GRIK1: variants seen among roughly 807,000 people sequenced by gnomAD.
The protein encoded by GRIK1 is glutamate ionotropic receptor kainate type subunit 1, also known as glutamate receptor ionotropic, kainate 1.
A neutral mutation model predicts 105.7 loss-of-function variants in GRIK1; 69 were observed. The observed-to-expected ratio is 0.65, with a 90% CI of 0.54 to 0.80. GRIK1 has a LOEUF of 0.80. GRIK1 is among the 30% of genes least tolerant of loss of function. The probability of loss-of-function intolerance (pLI) is 0.00; values close to 1 mark genes in which losing one functional copy is unlikely to be tolerated. For missense variants in GRIK1, 1,109 were observed against 1,167.3 expected (o/e 0.95, Z 0.73); for synonymous variants, 438 against 431.3 (o/e 1.02, Z -0.19).
intron 5 of GRIK1, 102 bp from the exon 6 acceptor site, chr21:29,651,393 C>A: frequency 1.4e-6 from 1 of 732,388 alleles, no homozygotes; most frequent in Non-Finnish European, 2.1e-6. Flanking sequence ...ACAATGATAC[C>A]TTTTATCTGT....
At chr21:29,933,194 T>C (rs950551516) in intron 1 of GRIK1, among the ~76,000 whole-genome samples, 1 of 152,278 alleles carries the variant, frequency 6.6e-6, no homozygotes, top group Admixed American at 6.5e-5. Context: ...GGTTTTTACA[T>C]AGGTAACCGT....
At chr21:29,625,666 T>C (rs1048245503) in intron 7 of GRIK1, among the ~76,000 whole-genome samples, 3 of 152,206 alleles carry the variant, frequency 2.0e-5, no homozygotes, top group African/African-American at 7.2e-5. Context: ...TATGCAAATA[T>C]GTAATGCACA....
At chr21:29,709,373 C>T (rs959285986) in intron 1 of GRIK1, among the ~76,000 whole-genome samples, 3 of 151,094 alleles carry the variant, frequency 2.0e-5, no homozygotes, top group South Asian at 2.1e-4. Context: ...CTCCGTCTCC[C>T]GGGCTCAAGC....
chr21:29,538,579 T>TA (rs58400171), intron 16 of GRIK1, among the ~76,000 whole-genome samples: 26,774 of 149,824 alleles, frequency 0.18, 3,913 homozygotes, highest in African/African-American at 0.4. Context: ...TTTATCACAA[T>TA]AAAAAAAAAA....
At chr21:29,830,153 G>A (rs2067585064) in intron 1 of GRIK1, among the ~76,000 whole-genome samples, 2 of 152,182 alleles carry the variant, frequency 1.3e-5, no homozygotes, top group South Asian at 4.2e-4. Context: ...TTCCAACCAT[G>A]GAAATGTATG....
intron 1 of GRIK1, among the ~76,000 whole-genome samples, chr21:29,869,886 C>T (rs181945830): frequency 5.3e-4 from 81 of 152,274 alleles, no homozygotes; most frequent in Admixed American, 9.8e-4. Context: ...CCCCCCATAA[C>T]TGAGTATAAT....
chr21:29,653,674 G>A (rs1057463604), intron 5 of GRIK1, among the ~76,000 whole-genome samples: 3 of 152,194 alleles, frequency 2.0e-5, no homozygotes, highest in African/African-American at 4.8e-5. Flanking sequence ...CAGTTCTCAA[G>A]TTTTCCCTCA....
intron 1 of GRIK1, among the ~76,000 whole-genome samples, chr21:29,926,105 TA>T (rs10587669): frequency 0.18 from 27,020 of 148,020 alleles, 2,687 homozygotes; most frequent in South Asian, 0.27. Flanking sequence ...CATAAAAAGC[TA>T]AAAAAAAAAA....
chr21:29,606,719 C>T (rs1269599886), intron 7 of GRIK1, among the ~76,000 whole-genome samples: 1 of 152,002 alleles, frequency 6.6e-6, no homozygotes, highest in Non-Finnish European at 1.5e-5. Context: ...AAACCCAAAA[C>T]ACAACACTCC....
chr21:29,799,496 T>G (rs1176356256), intron 1 of GRIK1, among the ~76,000 whole-genome samples: 1 of 151,486 alleles, frequency 6.6e-6, no homozygotes, highest in African/African-American at 2.4e-5. Context: ...GCCCAGGTGT[T>G]TTTGTTTGTT....
At chr21:29,573,186 TG>T (rs1777629498) in intron 14 of GRIK1, among the ~76,000 whole-genome samples, 1 of 152,176 alleles carries the variant, frequency 6.6e-6, no homozygotes, top group South Asian at 2.1e-4. Flanking sequence ...TCTTCCTCTC[TG>T]AGGTGCTTAT....
intron 1 of GRIK1, among the ~76,000 whole-genome samples, chr21:29,754,960 A>G (rs2065298595): frequency 2.0e-5 from 3 of 152,090 alleles, no homozygotes; most frequent in Non-Finnish European, 2.9e-5. Context: ...ATCTAAATCT[A>G]TCTAGCTAGC....
intron 7 of GRIK1, among the ~76,000 whole-genome samples, chr21:29,599,519 A>G (rs1268797681): frequency 6.6e-6 from 1 of 152,196 alleles, no homozygotes; most frequent in East Asian, 1.9e-4. Context: ...ATCCAAAATC[A>G]GTGTTAACTG....
In GRIK1 at chr21:29,756,762, T is replaced by TA. The variant is rs969321273; in HGVS notation, c.119-62700dup. Among the ~76,000 whole-genome samples the TA allele has an allele frequency of 1.1e-3, 168 of 151,852 alleles. 1 individual carries two copies. The highest frequency in any genetic ancestry group is 3.8e-3 in the African/African-American group (159 of 41,452). On this transcript the variant is annotated intron_variant, in intron 1 of 17. Transcript: ENST00000327783. ...CATGAAACACAACAGTTTAAAAAAA[T>TA]AAAAAAAATAAACTAGAAAATTCTA...
intron 1 of GRIK1, among the ~76,000 whole-genome samples, chr21:29,741,038 G>A (rs73354553): frequency 0.02 from 3,092 of 152,300 alleles, 110 homozygotes; most frequent in African/African-American, 0.071. Context: ...CTACCAGGGC[G>A]ATGTGTACTC....
At chr21:29,832,962 A>G (rs2154483) in intron 1 of GRIK1, among the ~76,000 whole-genome samples, 143,198 of 152,208 alleles carry the variant, frequency 0.94, 67,365 homozygotes, top group Admixed American at 0.96. Context: ...ACAAAGACAA[A>G]CATAGGTTGC....
chr21:29,865,955 G>A (rs2146109979), intron 1 of GRIK1, among the ~76,000 whole-genome samples: 1 of 152,182 alleles, frequency 6.6e-6, no homozygotes, highest in African/African-American at 2.4e-5. Context: ...CAGAAACCAG[G>A]GTACTTGCAT....
At chr21:29,712,318 T>C (rs1417775366) in intron 1 of GRIK1, among the ~76,000 whole-genome samples, 1 of 152,120 alleles carries the variant, frequency 6.6e-6, no homozygotes, top group Admixed American at 6.6e-5. Flanking sequence ...TTTTTTGCTA[T>C]AAAAATAACG....
chr21:29,544,138 A>G (rs1226142781), intron 16 of GRIK1, among the ~76,000 whole-genome samples: 4 of 152,334 alleles, frequency 2.6e-5, no homozygotes, highest in African/African-American at 4.8e-5. Context: ...CCATAAAAAT[A>G]TACCTATGAG....
Sources: allele counts gnomAD v4.1 joint callset (sites outside exome capture counted in the v4.1 genomes callset), GRCh38; gene constraint gnomAD v4.1.1; transcripts MANE v1.5; gene names NCBI Gene and HGNC (gene_info 2026-07-23, HGNC 2026-07-21).